Variants in DNAH14 observed in about 807,000 individuals in gnomAD.
DNAH14 encodes dynein axonemal heavy chain 14.
Under a neutral mutation model 520.9 loss-of-function variants are expected in DNAH14, and 478 were observed. That is an observed-to-expected ratio of 0.92 (90% CI 0.85 to 0.99). The LOEUF is 0.99. Among genes scored for constraint, DNAH14 ranks in the 50% least tolerant of loss-of-function variants. The pLI, the probability that DNAH14 is intolerant of heterozygous loss-of-function variation, is 0.00. For synonymous variants in DNAH14, 1,581 were observed against 1,757.2 expected, an observed-to-expected ratio of 0.90 and a Z score of 2.51; for missense variants, 4,831 against 5,234.5, an observed-to-expected ratio of 0.92 and a Z score of 2.38.
At chr1:225,043,843 A>T in intron 14 of DNAH14, 43 bp from the exon 15 acceptor site, 1 of 1,465,460 alleles carries the variant, frequency 6.8e-7, no homozygotes, top group Non-Finnish European at 9.3e-7. Context: ...TATGGTAGTT[A>T]TTATATTCCT....
At chr1:225,038,846 T>G in intron 12 of DNAH14, 23 bp downstream of exon 12, 1 of 1,448,900 alleles carries the variant, frequency 6.9e-7, no homozygotes, top group South Asian at 1.4e-5. Context: ...TTGAAAAATA[T>G]AAACATAGAT....
At chr1:225,077,122 T>C (rs1024658911) in intron 17 of DNAH14, among the ~76,000 whole-genome samples, 1 of 152,206 alleles carries the variant, frequency 6.6e-6, no homozygotes, top group Non-Finnish European at 1.5e-5. Flanking sequence ...ATAAGAGTTT[T>C]TATTATAAAT....
chr1:225,055,699 C>T (rs1403861265), intron 17 of DNAH14, among the ~76,000 whole-genome samples: 8 of 139,430 alleles, frequency 5.7e-5, no homozygotes, highest in Admixed American at 4.4e-4. Flanking sequence ...CCCCACCACA[C>T]AATAGGCCCT....
chr1:225,094,656 C>CAAAAAAAAAAA (rs760828776), intron 21 of DNAH14, among the ~76,000 whole-genome samples: 63 of 77,812 alleles, frequency 8.1e-4, no homozygotes, highest in Non-Finnish European at 1.3e-3. Flanking sequence ...TTCTGCACAG[C>CAAAAAAAAAAA]AAAAAAAAAA....
rs140210414 is a variant in DNAH14, at chr1:225,315,462, C to T, written c.9241-3121C>T. On this transcript the variant is annotated intron_variant, in intron 60 of 85. Coordinates refer to ENST00000682510, the MANE Select transcript of DNAH14 (RefSeq NM_001367479.1). Reference sequence around the variant, plus strand: ...TTGTCAACTCATCAAACTCATTCTCCGTCCAGTTTTGTTCCCTTGCTAGCA... The same window carrying T: ...TTGTCAACTCATCAAACTCATTCTCTGTCCAGTTTTGTTCCCTTGCTAGCA... 3.4e-3 allele frequency among the ~76,000 whole-genome samples: 519 copies of T among 152,082 alleles called. 2 individuals carry two copies. Among genetic ancestry groups the T allele is most frequent in the African/African-American group, 0.011 (467 of 41,486 alleles).
chr1:224,950,161 G>A (rs2060082124), intron 1 of DNAH14, among the ~76,000 whole-genome samples: 1 of 151,896 alleles, frequency 6.6e-6, no homozygotes, highest in Non-Finnish European at 1.5e-5. Flanking sequence ...TATAAGTATA[G>A]AAATAAAATT....
chr1:225,368,821 A>G (rs2150618666), intron 77 of DNAH14, among the ~76,000 whole-genome samples: 1 of 152,304 alleles, frequency 6.6e-6, no homozygotes, highest in East Asian at 1.9e-4. Flanking sequence ...TTCAGTTTTG[A>G]AAAGAGGCTG....
chr1:225,371,228 T>G (rs1311516148), intron 77 of DNAH14, among the ~76,000 whole-genome samples: 1 of 152,130 alleles, frequency 6.6e-6, no homozygotes, highest in Non-Finnish European at 1.5e-5. Context: ...AAAATATAAA[T>G]GGATCTCAGC....
In DNAH14 at chr1:224,969,130, A is replaced by G. The variant is rs41267351; in HGVS notation, c.767+256A>G. On this transcript the variant is annotated intron_variant, in intron 7 of 85. Coordinates refer to ENST00000682510, the MANE Select transcript of DNAH14 (RefSeq NM_001367479.1). ...TACCTGTAACTTATGAGGAAATGCCATAAGTTACAGAAGAATGAGATGTTC... is the reference window on the plus strand; with the variant it reads ...TACCTGTAACTTATGAGGAAATGCCGTAAGTTACAGAAGAATGAGATGTTC... 4.0e-3 allele frequency: 1,225 copies of G among 305,422 alleles called. 4 individuals carry two copies. The highest frequency in any genetic ancestry group is 6.1e-3 in the Non-Finnish European group (1,008 of 164,612). 18.9% of individuals were successfully genotyped at this position (305,422 alleles called of 1,614,324 possible). A position where few individuals can be genotyped will look rare whatever the true frequency, so the allele number is the denominator to read the frequency against.
chr1:225,102,537 T>A (rs1221094220), intron 23 of DNAH14, among the ~76,000 whole-genome samples: 1 of 152,172 alleles, frequency 6.6e-6, no homozygotes, highest in African/African-American at 2.4e-5. Context: ...TTTCTCCACA[T>A]CCTCTCCAGC....
rs1491520254 is a variant in DNAH14, at chr1:225,335,561, ATC to A, written c.10081-1703_10081-1702del. The stretch of plus-strand genomic sequence containing the variant: ...CATATATACGTATATACATATGTAC[ATC>A]TATGTATATACGCATATGTGCATAT... On this transcript the variant is annotated intron_variant, in intron 66 of 85. Coordinates refer to ENST00000682510, the MANE Select transcript of DNAH14 (RefSeq NM_001367479.1). Among the ~76,000 whole-genome samples, 58 of 123,108 alleles carry A rather than the reference ATC, an allele frequency of 4.7e-4. 1 individual carries two copies. The highest frequency in any genetic ancestry group is 4.1e-3 in the Middle Eastern group (1 of 242). 80.8% of individuals were successfully genotyped at this position (123,108 alleles called of 152,430 possible).
In DNAH14 at chr1:225,389,751, C is replaced by T; in HGVS notation, c.13208C>T (p.Thr4403Ile). 6.4e-7 allele frequency: 1 copy of T among 1,552,270 alleles called. No homozygotes were observed. The highest frequency in any genetic ancestry group is 8.7e-7 in the Non-Finnish European group (1 of 1,147,108). The change falls in exon 83 of 86, where the codon ACA (threonine) becomes ATA (isoleucine). Residue 4403 changes from threonine (T) to isoleucine (I), a missense_variant. Coordinates refer to ENST00000682510, the MANE Select transcript of DNAH14 (RefSeq NM_001367479.1). ...AIQRRYMRFV[T>I]VWKQSIPSTS... ...TCCACTAGGTATATGAGATTTGTCA[C>T]AGTTTGGAAGCAGTCTATTCCATCA...
chr1:225,082,068 TGA>T (rs2073183803), intron 19 of DNAH14, among the ~76,000 whole-genome samples: 1 of 151,912 alleles, frequency 6.6e-6, no homozygotes, highest in Non-Finnish European at 1.5e-5. Flanking sequence ...GCCAGGAGTT[TGA>T]GACCAGCCTG....
At chr1:225,059,913 C>T (rs1423033012) in intron 17 of DNAH14, among the ~76,000 whole-genome samples, 3 of 152,226 alleles carry the variant, frequency 2.0e-5, no homozygotes, top group African/African-American at 7.2e-5. Flanking sequence ...GTGTGATGGG[C>T]TTCCCTTTGT....
intron 62 of DNAH14, 129 bp from the exon 63 acceptor site, chr1:225,324,093 G>T: frequency 8.6e-7 from 1 of 1,169,540 alleles, no homozygotes; most frequent in South Asian, 1.6e-5. Flanking sequence ...TGGGTTTATA[G>T]GCATGAGCCG....
intron 61 of DNAH14, among the ~76,000 whole-genome samples, chr1:225,322,121 C>G (rs751205265): frequency 1.3e-3 from 139 of 105,520 alleles, no homozygotes; most frequent in Non-Finnish European, 1.7e-3. Flanking sequence ...GACAGTGTCT[C>G]ACTTTGTCGC....
intron 15 of DNAH14, among the ~76,000 whole-genome samples, chr1:225,044,884 T>C (rs2067806068): frequency 6.6e-6 from 1 of 152,130 alleles, no homozygotes; most frequent in African/African-American, 2.4e-5. Context: ...TAAACAACTG[T>C]GCTCTCTTGT....
At chr1:224,989,489 A>T (rs1049951742) in intron 8 of DNAH14, among the ~76,000 whole-genome samples, 1 of 152,112 alleles carries the variant, frequency 6.6e-6, no homozygotes, top group Admixed American at 6.5e-5. Flanking sequence ...GGGATATTCT[A>T]CATAGAATAT....
At position 225,337,496 on chromosome 1, in the gene DNAH14, G is replaced by T; in HGVS notation, c.10311G>T (p.Gln3437His). Reference sequence around the variant, plus strand: ...AGACAGGAGGGAGTGTCCTCCTGCAGGTAAGTGGGCAGTATGGCCTAATTT... The same window carrying T: ...AGACAGGAGGGAGTGTCCTCCTGCATGTAAGTGGGCAGTATGGCCTAATTT... ...AMKTGGSVLL[Q>H]NLLETLAPGL... Residue 3437 changes from glutamine to histidine, a missense_variant and splice_region_variant, in exon 67 of 86, where the codon CAG becomes CAT. By Grantham distance (24) the Gln-to-His change is conservative (BLOSUM62 0). Transcript: ENST00000682510. The T allele has an allele frequency of 6.5e-7, 1 of 1,550,296 alleles. No individual in the cohort carries two copies. Among genetic ancestry groups the T allele is most frequent in the Non-Finnish European group, 8.7e-7 (1 of 1,145,592 alleles).
Sources: allele counts gnomAD v4.1 joint callset (sites outside exome capture counted in the v4.1 genomes callset), GRCh38; gene constraint gnomAD v4.1.1; transcripts MANE v1.5; gene names NCBI Gene and HGNC (gene_info 2026-07-23, HGNC 2026-07-21).